EDIL3: variants seen among roughly 807,000 people sequenced by gnomAD.
EDIL3 encodes EGF-like repeat and discoidin I-like domain-containing protein 3.
In EDIL3, 37 loss-of-function variants were observed where a neutral mutation model predicts 67.4. The ratio of observed to expected loss-of-function variants is 0.55; its 90% CI spans 0.42 to 0.72. The LOEUF (loss-of-function observed/expected upper bound fraction) is 0.72. EDIL3 is among the 30% of genes least tolerant of loss of function. EDIL3 has a pLI of 0.00. For missense variants in EDIL3, 527 were observed against 586.3 expected (o/e 0.90, Z 1.04); for synonymous variants, 195 against 196.3 (o/e 0.99, Z 0.05).
intron 9 of EDIL3, among the ~76,000 whole-genome samples, chr5:84,052,756 T>A (rs9687166): frequency 1.3e-5 from 2 of 152,182 alleles, no homozygotes; most frequent in African/African-American, 2.4e-5. Flanking sequence ...CAAGAAGAGC[T>A]AACTATTCTA....
intron 10 of EDIL3, among the ~76,000 whole-genome samples, chr5:83,954,434 G>A (rs1168488814): frequency 1.3e-5 from 2 of 151,568 alleles, no homozygotes; most frequent in Non-Finnish European, 3.0e-5. Flanking sequence ...ATGAGTTCTT[G>A]CTCTATTAGT....
chr5:83,975,470 T>G (rs2112142807), intron 9 of EDIL3, among the ~76,000 whole-genome samples: 1 of 152,084 alleles, frequency 6.6e-6, no homozygotes, highest in South Asian at 2.1e-4. Flanking sequence ...TTTTAAAAAC[T>G]TCTCAAGTTA....
intron 1 of EDIL3, among the ~76,000 whole-genome samples, chr5:84,282,033 A>ATTTTTT (rs36059820): frequency 7.0e-6 from 1 of 141,998 alleles, no homozygotes; most frequent in Admixed American, 7.1e-5. Context: ...CACCCAGCTA[A>ATTTTTT]TTTTTTTTTT....
chr5:83,961,525 C>T (rs1301589139), intron 10 of EDIL3, among the ~76,000 whole-genome samples: 1 of 151,078 alleles, frequency 6.6e-6, no homozygotes, highest in Admixed American at 6.6e-5. Context: ...ACGGTTTAAC[C>T]ATAATTTTCT....
At chr5:84,146,822 T>G (rs1477780800) in intron 4 of EDIL3, among the ~76,000 whole-genome samples, 1 of 152,148 alleles carries the variant, frequency 6.6e-6, no homozygotes, top group Non-Finnish European at 1.5e-5. Flanking sequence ...CCTATAGAAT[T>G]AAAATTTTGT....
intron 5 of EDIL3, among the ~76,000 whole-genome samples, chr5:84,120,163 T>G (rs925386454): frequency 6.6e-6 from 1 of 152,140 alleles, no homozygotes; most frequent in East Asian, 1.9e-4. Flanking sequence ...TTGCACACCT[T>G]TGCACAAGAG....
intron 6 of EDIL3, among the ~76,000 whole-genome samples, chr5:84,106,056 G>A (rs1195791130): frequency 6.6e-6 from 1 of 152,088 alleles, no homozygotes; most frequent in African/African-American, 2.4e-5. Flanking sequence ...TGCTCAAAAA[G>A]CATTGAAATG....
intron 5 of EDIL3, among the ~76,000 whole-genome samples, chr5:84,121,349 C>T (rs1021045774): frequency 4.0e-5 from 6 of 151,892 alleles, no homozygotes; most frequent in African/African-American, 1.4e-4. Context: ...AAATTATGTG[C>T]TAATTTCACT....
intron 5 of EDIL3, among the ~76,000 whole-genome samples, chr5:84,112,641 T>C (rs1747584155): frequency 6.6e-6 from 1 of 152,158 alleles, no homozygotes; most frequent in Non-Finnish European, 1.5e-5. Context: ...AGGGACAGGA[T>C]TGAGATGTAA....
At chr5:84,173,165 G>C (rs1748841558) in intron 4 of EDIL3, among the ~76,000 whole-genome samples, 1 of 152,124 alleles carries the variant, frequency 6.6e-6, no homozygotes, top group Non-Finnish European at 1.5e-5. Context: ...TTGATGGATG[G>C]GGCCCACCAC....
At chr5:84,164,437 A>T (rs1454237598) in intron 4 of EDIL3, among the ~76,000 whole-genome samples, 2 of 152,150 alleles carry the variant, frequency 1.3e-5, no homozygotes, top group African/African-American at 4.8e-5. Context: ...ATAAATATTT[A>T]TAGTACAGCT....
intron 1 of EDIL3, among the ~76,000 whole-genome samples, chr5:84,262,777 T>G (rs1367159328): frequency 1.4e-5 from 2 of 146,750 alleles, no homozygotes; most frequent in Non-Finnish European, 3.0e-5. Flanking sequence ...GTCAGGCAAT[T>G]CTCATGCCTC....
rs191914431 is a variant in EDIL3 at position 84,338,018 on chromosome 5, T to A, written c.67+46290A>T. On this transcript the variant is annotated intron_variant, in intron 1 of 10. Transcript: ENST00000296591. ...TTAAATACTGACCTATACACATAGA[T>A]AAATATGCATAGTGATCAAATAATT... is the stretch of plus-strand genomic sequence containing the variant. 9.2e-5 allele frequency among the ~76,000 whole-genome samples: 14 copies of A among 152,300 alleles called. No homozygotes were observed. In the East Asian group the frequency reaches 2.7e-3, roughly 29 times the overall value.
chr5:84,305,312 A>G (rs142639873), intron 1 of EDIL3, among the ~76,000 whole-genome samples: 87 of 152,280 alleles, frequency 5.7e-4, no homozygotes, highest in African/African-American at 2.0e-3. Flanking sequence ...AAATGGTAAA[A>G]CTGTTTCTTT....
At chr5:84,334,751 T>C (rs2112170018) in intron 1 of EDIL3, among the ~76,000 whole-genome samples, 1 of 152,308 alleles carries the variant, frequency 6.6e-6, no homozygotes, top group African/African-American at 2.4e-5. Flanking sequence ...AAATATTATT[T>C]TCTTCTATCT....
chr5:84,019,323 C>T (rs867399197), intron 9 of EDIL3, among the ~76,000 whole-genome samples: 37 of 151,666 alleles, frequency 2.4e-4, no homozygotes, highest in African/African-American at 8.5e-4. Context: ...CATGTTCTCA[C>T]TCATAGGTGG....
chr5:84,079,236 C>T (rs1746920089), intron 6 of EDIL3, among the ~76,000 whole-genome samples: 1 of 151,924 alleles, frequency 6.6e-6, no homozygotes, highest in Non-Finnish European at 1.5e-5. Context: ...TTTGTAATAT[C>T]CTTTATAATA....
At chr5:84,073,261 G>C (rs1746778110) in intron 6 of EDIL3, among the ~76,000 whole-genome samples, 1 of 152,122 alleles carries the variant, frequency 6.6e-6, no homozygotes, top group African/African-American at 2.4e-5. Flanking sequence ...GCAAAAACTG[G>C]AAGCATTCCC....
chr5:84,259,208 C>T (rs2112082269), intron 1 of EDIL3, among the ~76,000 whole-genome samples: 1 of 152,172 alleles, frequency 6.6e-6, no homozygotes, highest in South Asian at 2.1e-4. Flanking sequence ...ATCTGCCTGC[C>T]TTGCCCTCCC....
Sources: allele counts gnomAD v4.1 joint callset (sites outside exome capture counted in the v4.1 genomes callset), GRCh38; gene constraint gnomAD v4.1.1; transcripts MANE v1.5; gene names NCBI Gene and HGNC (gene_info 2026-07-23, HGNC 2026-07-21).